Variants in TDRD3 observed in about 807,000 individuals in gnomAD.
The protein encoded by TDRD3 is tudor domain containing 3, also known as tudor domain-containing protein 3.
In TDRD3, 45 loss-of-function variants were observed where a neutral mutation model predicts 86.7. That is an observed-to-expected ratio of 0.52 (90% CI 0.41 to 0.67). The LOEUF (loss-of-function observed/expected upper bound fraction) is 0.67. Ranked by LOEUF, TDRD3 falls within the 30% of genes least tolerant of loss-of-function variation. TDRD3 has a pLI of 0.00. For missense variants in TDRD3, 814 were observed against 889.0 expected, an observed-to-expected ratio of 0.92 and a Z score of 1.07; for synonymous variants, 298 against 301.7, an observed-to-expected ratio of 0.99 and a Z score of 0.13.
chr13:60,421,906 T>G (rs1954670088), intron 1 of TDRD3, among the ~76,000 whole-genome samples: 1 of 152,056 alleles, frequency 6.6e-6, no homozygotes. Flanking sequence ...ACCCTAAATG[T>G]GAAAAATAAA....
intron 12 of TDRD3, among the ~76,000 whole-genome samples, chr13:60,563,452 G>A (rs1025686740): frequency 3.9e-5 from 6 of 152,122 alleles, no homozygotes; most frequent in African/African-American, 1.4e-4. Flanking sequence ...AGGCTGCTCT[G>A]ATACTTAGGA....
chr13:60,496,574 C>G (rs1956724405), intron 8 of TDRD3, among the ~76,000 whole-genome samples: 1 of 151,684 alleles, frequency 6.6e-6, no homozygotes, highest in African/African-American at 2.4e-5. Flanking sequence ...AAAATAAATG[C>G]ATTTACTGTT....
intron 12 of TDRD3, among the ~76,000 whole-genome samples, chr13:60,557,431 T>C (rs1958220315): frequency 6.6e-6 from 1 of 152,116 alleles, no homozygotes; most frequent in South Asian, 2.1e-4. Context: ...TTTTTGAAAC[T>C]ATAGCTTTAG....
intron 12 of TDRD3, among the ~76,000 whole-genome samples, chr13:60,541,328 G>A (rs1289065976): frequency 6.6e-6 from 1 of 151,708 alleles, no homozygotes; most frequent in East Asian, 1.9e-4. Flanking sequence ...CCACTATCCA[G>A]GCTAATTTTT....
intron 12 of TDRD3, among the ~76,000 whole-genome samples, chr13:60,565,297 C>T (rs1343649764): frequency 6.6e-6 from 1 of 152,082 alleles, no homozygotes; most frequent in South Asian, 2.1e-4. Flanking sequence ...CCTCGTGATC[C>T]GCCCGCCTCG....
At chr13:60,470,379 G>T (rs901031640) in intron 5 of TDRD3, among the ~76,000 whole-genome samples, 1 of 152,016 alleles carries the variant, frequency 6.6e-6, no homozygotes, top group African/African-American at 2.4e-5. Context: ...CAATTCTTTT[G>T]TGTGATCTAG....
intron 7 of TDRD3, among the ~76,000 whole-genome samples, chr13:60,493,712 C>T (rs549917529): frequency 2.0e-5 from 3 of 152,270 alleles, no homozygotes; most frequent in South Asian, 4.1e-4. Flanking sequence ...ATGTTTCATA[C>T]TGTACAGGTA....
chr13:60,528,806 T>C lies in TDRD3; in HGVS notation c.1581T>C (p.Asp527=). The change falls in exon 11 of 14, where the codon GAT becomes GAC. Residue 527 remains aspartate (D), a synonymous_variant. Coordinates refer to ENST00000377881, the MANE Select transcript of TDRD3 (RefSeq NM_001146070.2). ...ATCCACTTCCTCAAGGATCTGTAGA[T>C]TATAATAATCAAAAACGTGGAAAAA... The part of the protein sequence containing the change: ...KENPLPQGSV[D]YNNQKRGKRE... 6.2e-7 allele frequency: 1 copy of C among 1,613,874 alleles called. No individual in the cohort carries two copies. The highest frequency in any genetic ancestry group is 8.5e-7 in the Non-Finnish European group (1 of 1,179,902).
At chr13:60,573,106 C>A (rs1383990812) in intron 13 of TDRD3, among the ~76,000 whole-genome samples, 2 of 152,212 alleles carry the variant, frequency 1.3e-5, no homozygotes, top group East Asian at 1.9e-4. Context: ...TCAGCTCTTT[C>A]TCTTGTCACC....
At chr13:60,484,071 CA>C (rs1166416680) in intron 6 of TDRD3, among the ~76,000 whole-genome samples, 3 of 151,632 alleles carry the variant, frequency 2.0e-5, no homozygotes, top group African/African-American at 7.3e-5. Context: ...AATTAAGAGC[CA>C]TATCTGAAGA....
At chr13:60,406,860 T>C (rs1439954729) in intron 1 of TDRD3, among the ~76,000 whole-genome samples, 21 of 152,202 alleles carry the variant, frequency 1.4e-4, no homozygotes, top group Non-Finnish European at 1.5e-5. Context: ...CCTCTAAATA[T>C]ATAAAATACA....
intron 7 of TDRD3, among the ~76,000 whole-genome samples, chr13:60,492,842 C>T (rs1367795237): frequency 6.6e-6 from 1 of 151,528 alleles, no homozygotes; most frequent in Non-Finnish European, 1.5e-5. Context: ...CATTAGTGCT[C>T]ATCCAACATT....
At chr13:60,450,548 TAAAG>T (rs1594947344) in intron 3 of TDRD3, among the ~76,000 whole-genome samples, 2 of 152,272 alleles carry the variant, frequency 1.3e-5, no homozygotes, top group East Asian at 3.9e-4. Flanking sequence ...GGAGGTAAAT[TAAAG>T]AACTTATGTA....
intron 1 of TDRD3, among the ~76,000 whole-genome samples, chr13:60,409,248 C>T (rs965616272): frequency 3.9e-5 from 6 of 152,244 alleles, no homozygotes; most frequent in Admixed American, 6.5e-5. Context: ...ATAGAGCCCT[C>T]ATGGAGAACC....
At chr13:60,484,582 C>A in intron 6 of TDRD3, 1 of 375,694 alleles carries the variant, frequency 2.7e-6, no homozygotes. Context: ...TTGACTGTCA[C>A]CCTCTCTGAA....
intron 1 of TDRD3, among the ~76,000 whole-genome samples, chr13:60,410,547 A>T (rs1393516829): frequency 6.6e-6 from 1 of 152,152 alleles, no homozygotes; most frequent in Non-Finnish European, 1.5e-5. Flanking sequence ...CTGTGCTGAG[A>T]GTGCAAGTTG....
chr13:60,461,004 A>AAT (rs35284701), intron 4 of TDRD3: 20,589 of 151,368 alleles, frequency 0.14, 1,461 homozygotes, highest in East Asian at 0.2. Context: ...GTGTCTCAAA[A>AAT]ATATATATAT....
intron 10 of TDRD3, among the ~76,000 whole-genome samples, chr13:60,527,614 CTA>C (rs748162174): frequency 5.9e-5 from 9 of 152,106 alleles, no homozygotes; most frequent in Non-Finnish European, 1.0e-4. Context: ...ATAAAAATCA[CTA>C]TGTGAAATAC....
At chr13:60,509,601 C>T in intron 8 of TDRD3, 162 bp from the exon 9 acceptor site, 2 of 854,514 alleles carry the variant, frequency 2.3e-6, no homozygotes, top group Non-Finnish European at 3.7e-6. Flanking sequence ...ACAGATTCTT[C>T]CTTGCCTCTT....
Sources: allele counts gnomAD v4.1 joint callset (sites outside exome capture counted in the v4.1 genomes callset), GRCh38; gene constraint gnomAD v4.1.1; transcripts MANE v1.5; gene names NCBI Gene and HGNC (gene_info 2026-07-23, HGNC 2026-07-21).